Variants in CPEB3 observed in about 807,000 individuals in gnomAD.
CPEB3 encodes the protein cytoplasmic polyadenylation element binding protein 3.
A neutral mutation model predicts 67.2 loss-of-function variants in CPEB3; 20 were observed. That is an observed-to-expected ratio of 0.30 (90% confidence interval 0.21 to 0.43). CPEB3 has a LOEUF of 0.43. Ranked by LOEUF, CPEB3 falls within the 20% of genes least tolerant of loss-of-function variation. CPEB3 has a pLI of 1.00. For missense variants in CPEB3, 746 were observed against 968.6 expected (o/e 0.77, Z 3.05); for synonymous variants, 376 against 393.1 (o/e 0.96, Z 0.51).
chr10:92,106,814 CAAAAAAAA>C (rs531195477), intron 7 of CPEB3, among the ~76,000 whole-genome samples: 76 of 55,984 alleles, frequency 1.4e-3, no homozygotes, highest in African/African-American at 4.2e-3. Flanking sequence ...GACTCTGTCT[CAAAAAAAA>C]AAAAAAAAAA....
chr10:92,184,497 C>T (rs772716067), intron 3 of CPEB3, among the ~76,000 whole-genome samples: 7 of 151,996 alleles, frequency 4.6e-5, no homozygotes, highest in African/African-American at 1.5e-4. Context: ...CCCCGCTACT[C>T]GGGAGGCTAA....
At chr10:92,109,407 C>A (rs188372413) in intron 7 of CPEB3, among the ~76,000 whole-genome samples, 8 of 152,210 alleles carry the variant, frequency 5.3e-5, no homozygotes, top group Admixed American at 5.2e-4. Flanking sequence ...CACGTGCCAC[C>A]ACCCCCAGCT....
intron 7 of CPEB3, among the ~76,000 whole-genome samples, chr10:92,094,962 T>G (rs973835667): frequency 6.6e-6 from 1 of 152,192 alleles, no homozygotes; most frequent in South Asian, 2.1e-4. Flanking sequence ...CGTTTGATCA[T>G]AGATCACTTT....
intron 9 of CPEB3, among the ~76,000 whole-genome samples, chr10:92,076,918 A>G (rs956542356): frequency 2.0e-5 from 3 of 151,738 alleles, no homozygotes; most frequent in Non-Finnish European, 2.9e-5. Context: ...GGGAGGGAGG[A>G]AGGAAATGAC....
intron 2 of CPEB3, among the ~76,000 whole-genome samples, chr10:92,232,798 A>G (rs1851337439): frequency 6.6e-6 from 1 of 151,516 alleles, no homozygotes; most frequent in South Asian, 2.1e-4. Flanking sequence ...TAACCAATAG[A>G]GAAAGCTATG....
At chr10:92,249,043 A>G (rs1427116404) in intron 1 of CPEB3, among the ~76,000 whole-genome samples, 1 of 152,056 alleles carries the variant, frequency 6.6e-6, no homozygotes, top group African/African-American at 2.4e-5. Context: ...TTGTTGTGAT[A>G]CTGGTGTAAA....
chr10:92,138,794 C>T (rs1846244629), intron 6 of CPEB3, among the ~76,000 whole-genome samples: 1 of 152,144 alleles, frequency 6.6e-6, no homozygotes, highest in South Asian at 2.1e-4. Context: ...CATGGAGGTT[C>T]CTCAAAAAAC....
intron 2 of CPEB3, among the ~76,000 whole-genome samples, chr10:92,218,150 T>A (rs933565002): frequency 6.6e-6 from 1 of 152,120 alleles, no homozygotes; most frequent in African/African-American, 2.4e-5. Context: ...GGCTCACACC[T>A]GTAATCCCAG....
intron 4 of CPEB3, among the ~76,000 whole-genome samples, chr10:92,149,097 C>T (rs1331578784): frequency 6.6e-6 from 1 of 152,092 alleles, no homozygotes; most frequent in African/African-American, 2.4e-5. Flanking sequence ...GACAAGGTTT[C>T]GCCGTGTTGG....
rs1235904596 is a variant in CPEB3, at chr10:92,204,178, C to T, written c.1006-11542G>A. 2.0e-5 allele frequency: 3 copies of T among 152,134 alleles called. No individual in the cohort carries two copies. In the East Asian group the frequency reaches 5.8e-4, roughly 29 times the overall value. 9.4% of individuals were successfully genotyped at this position (152,134 alleles called of 1,614,324 possible). A position where few individuals can be genotyped will look rare whatever the true frequency, so the allele number is the denominator to read the frequency against. The stretch of plus-strand genomic sequence containing the variant: ...CTGGGCCGTAAAAGATACCTATAAG[C>T]TGTTCATTTCAATTGCTGTTTGACT... On this transcript the variant is annotated intron_variant, in intron 2 of 9. Transcript: ENST00000265997.
chr10:92,112,325 A>G (rs1590164828), intron 6 of CPEB3, among the ~76,000 whole-genome samples: 1 of 152,002 alleles, frequency 6.6e-6, no homozygotes, highest in East Asian at 1.9e-4. Context: ...TTGTATTTTT[A>G]GTAGAGACAG....
intron 9 of CPEB3, among the ~76,000 whole-genome samples, chr10:92,054,036 A>C (rs1195258848): frequency 6.6e-6 from 1 of 152,198 alleles, no homozygotes; most frequent in Non-Finnish European, 1.5e-5. Flanking sequence ...ATGACTGACA[A>C]TGTTTAGCAT....
intron 4 of CPEB3, among the ~76,000 whole-genome samples, chr10:92,152,005 A>G (rs1846990245): frequency 6.6e-6 from 1 of 152,120 alleles, no homozygotes; most frequent in African/African-American, 2.4e-5. Context: ...ACATAAATCC[A>G]ATCATTTGAC....
intron 3 of CPEB3, among the ~76,000 whole-genome samples, chr10:92,186,225 C>CAA (rs374713049): frequency 2.5e-4 from 29 of 113,778 alleles, no homozygotes; most frequent in Admixed American, 3.8e-4. Flanking sequence ...AAAAAAAATA[C>CAA]AAAAAAAAAA....
At chr10:92,127,501 C>T (rs1845658034) in intron 6 of CPEB3, among the ~76,000 whole-genome samples, 1 of 151,868 alleles carries the variant, frequency 6.6e-6, no homozygotes, top group Non-Finnish European at 1.5e-5. Context: ...TATGGTGAGA[C>T]CCCCATCTCT....
At chr10:92,215,123 C>G (rs1650001312) in intron 2 of CPEB3, among the ~76,000 whole-genome samples, 1 of 151,272 alleles carries the variant, frequency 6.6e-6, no homozygotes, top group Non-Finnish European at 1.5e-5. Context: ...GCTGGCATCA[C>G]AGACGTGAGC....
chr10:92,213,798 A>G (rs1850210633), intron 2 of CPEB3, among the ~76,000 whole-genome samples: 1 of 152,182 alleles, frequency 6.6e-6, no homozygotes, highest in South Asian at 2.1e-4. Context: ...TAAATCTCCT[A>G]GTCTAGAGCT....
At chr10:92,167,145 G>A (rs568575697) in intron 4 of CPEB3, among the ~76,000 whole-genome samples, 55 of 152,306 alleles carry the variant, frequency 3.6e-4, no homozygotes, top group Non-Finnish European at 6.5e-4. Context: ...TTTGGCATAA[G>A]GGAATGTTGT....
chr10:92,258,752 T>C (rs1054462713), intron 1 of CPEB3, among the ~76,000 whole-genome samples: 1 of 124,796 alleles, frequency 8.0e-6, no homozygotes, highest in Admixed American at 9.2e-5. Flanking sequence ...ATTTTTTCTT[T>C]TTTAAACAGA....
Sources: gnomAD v4.1 joint callset for allele counts (sites outside exome capture counted in the v4.1 genomes callset) on GRCh38, gnomAD v4.1.1 for gene constraint, MANE v1.5 for transcripts, NCBI Gene and HGNC (gene_info 2026-07-23, HGNC 2026-07-21) for gene names.